Variants in TAFA2 observed in about 807,000 individuals in gnomAD.
TAFA2 encodes the protein TAFA chemokine like family member 2.
A neutral mutation model predicts 18.8 loss-of-function variants in TAFA2; 7 were observed. The observed-to-expected ratio is 0.37, with a 90% CI of 0.21 to 0.70. TAFA2 has a LOEUF of 0.70. Ranked by LOEUF, TAFA2 falls within the 30% of genes least tolerant of loss-of-function variation. The pLI, the probability that TAFA2 is intolerant of heterozygous loss-of-function variation, is 0.53. For missense variants in TAFA2, 122 were observed against 158.1 expected, an observed-to-expected ratio of 0.77 and a Z score of 1.23; for synonymous variants, 60 against 54.2, an observed-to-expected ratio of 1.11 and a Z score of -0.47.
At chr12:61,815,676 A>AG (rs1024299138) in intron 2 of TAFA2, among the ~76,000 whole-genome samples, 10 of 151,004 alleles carry the variant, frequency 6.6e-5, no homozygotes, top group Non-Finnish European at 1.3e-4. Context: ...AAAAAAAAAA[A>AG]GTAGGCAATT....
chr12:61,789,513 G>A (rs544107563), intron 2 of TAFA2, among the ~76,000 whole-genome samples: 1 of 151,872 alleles, frequency 6.6e-6, no homozygotes, highest in East Asian at 2.0e-4. Flanking sequence ...GACACAGGGA[G>A]GGGAACATCA....
At chr12:62,012,498 A>G (rs1239714172) in intron 1 of TAFA2, among the ~76,000 whole-genome samples, 1 of 152,014 alleles carries the variant, frequency 6.6e-6, no homozygotes, top group Non-Finnish European at 1.5e-5. Context: ...TCAAGATGAG[A>G]CATTTCCTAT....
intron 1 of TAFA2, among the ~76,000 whole-genome samples, chr12:62,101,838 G>A (rs1282914736): frequency 6.6e-6 from 1 of 152,146 alleles, no homozygotes. Flanking sequence ...GAAATGAAAA[G>A]GAATAGTCCC....
chr12:62,184,464 A>G (rs1168802016), intron 1 of TAFA2, among the ~76,000 whole-genome samples: 1 of 145,196 alleles, frequency 6.9e-6, no homozygotes, highest in African/African-American at 2.6e-5. Flanking sequence ...CCATGCCATG[A>G]TACTTAGTGG....
At chr12:62,195,041 T>C (rs2136964584), upstream of TAFA2, among the ~76,000 whole-genome samples, 1 of 152,348 alleles carries the variant, frequency 6.6e-6, no homozygotes, top group Non-Finnish European at 1.5e-5. Context: ...TGTTGATGGC[T>C]GCTGATGGAT....
At chr12:62,065,672 A>G (rs1882466092) in intron 1 of TAFA2, among the ~76,000 whole-genome samples, 1 of 151,828 alleles carries the variant, frequency 6.6e-6, no homozygotes, top group Non-Finnish European at 1.5e-5. Context: ...TTCACTAGCC[A>G]AGAAGAACTG....
chr12:62,160,023 T>C (rs2062396306), intron 1 of TAFA2, among the ~76,000 whole-genome samples: 1 of 152,116 alleles, frequency 6.6e-6, no homozygotes, highest in Non-Finnish European at 1.5e-5. Context: ...CATACTCAAG[T>C]CATTCAGCTC....
chr12:61,761,815 T>C (rs1209008546), intron 2 of TAFA2, among the ~76,000 whole-genome samples: 2 of 152,104 alleles, frequency 1.3e-5, no homozygotes, highest in Non-Finnish European at 2.9e-5. Flanking sequence ...GGTTTATATC[T>C]GTGTCCCCAC....
chr12:62,171,507 A>T (rs1270619159), intron 1 of TAFA2, among the ~76,000 whole-genome samples: 1 of 152,172 alleles, frequency 6.6e-6, no homozygotes, highest in Non-Finnish European at 1.5e-5. Flanking sequence ...CCTCAAAATC[A>T]TGTTAGGAGA....
At chr12:61,931,324 A>G (rs781672280) in intron 1 of TAFA2, among the ~76,000 whole-genome samples, 1 of 152,246 alleles carries the variant, frequency 6.6e-6, no homozygotes, top group Non-Finnish European at 1.5e-5. Flanking sequence ...ACCTTGGTTC[A>G]TATGACACAT....
intron 1 of TAFA2, among the ~76,000 whole-genome samples, chr12:62,029,600 C>T (rs1353419580): frequency 1.1e-5 from 1 of 89,956 alleles, no homozygotes; most frequent in South Asian, 3.7e-4. Flanking sequence ...ACATTATAAA[C>T]AATTACTTTT....
chr12:62,171,148 A>C (rs1457434770), intron 1 of TAFA2, among the ~76,000 whole-genome samples: 2 of 151,548 alleles, frequency 1.3e-5, no homozygotes, highest in African/African-American at 4.8e-5. Flanking sequence ...TATAATCCCC[A>C]TTATTATTAT....
At chr12:61,715,612 A>G (rs1869620132) in intron 4 of TAFA2, among the ~76,000 whole-genome samples, 1 of 151,894 alleles carries the variant, frequency 6.6e-6, no homozygotes, top group African/African-American at 2.4e-5. Flanking sequence ...TCGGCTTCCC[A>G]AAGTGCTAGG....
At chr12:62,234,787 G>A (rs559478268) in intron 1 of TAFA2, 3 of 1,045,610 alleles carry the variant, frequency 2.9e-6, no homozygotes, top group East Asian at 4.8e-5. Context: ...GGTCTGGGAT[G>A]CTCCGGTAGG....
intron 1 of TAFA2, among the ~76,000 whole-genome samples, chr12:62,059,137 A>ATGTGTGTGTGTGTGTGTGTGTGTGTG (rs779755647): frequency 2.3e-5 from 1 of 43,540 alleles, no homozygotes; most frequent in Non-Finnish European, 4.4e-5. Flanking sequence ...ATATGTGTGT[A>ATGTGTGTGTGTGTGTGTGTGTGTGTG]TATGTGTGTG....
intron 1 of TAFA2, among the ~76,000 whole-genome samples, chr12:61,934,353 A>C (rs1316094797): frequency 3.3e-5 from 5 of 152,182 alleles, no homozygotes; most frequent in African/African-American, 1.2e-4. Flanking sequence ...GGATCACAAA[A>C]TTCCAGAAGA....
At chr12:62,237,988 G>T (rs907673583) in intron 1 of TAFA2, among the ~76,000 whole-genome samples, 1 of 152,186 alleles carries the variant, frequency 6.6e-6, no homozygotes, top group Admixed American at 6.5e-5. Context: ...ATGAGCTGGG[G>T]TCTCCAGTCC....
intron 2 of TAFA2, among the ~76,000 whole-genome samples, chr12:61,760,292 T>C (rs1160695738): frequency 1.4e-5 from 2 of 147,220 alleles, no homozygotes; most frequent in African/African-American, 5.1e-5. Context: ...AAATAGATGA[T>C]AGATAGATGA....
At chr12:61,972,305 T>TAAA (rs35399389) in intron 1 of TAFA2, among the ~76,000 whole-genome samples, 1 of 143,760 alleles carries the variant, frequency 7.0e-6, no homozygotes. Flanking sequence ...AGTTGAACCT[T>TAAA]AAAAAAAAAA....
Sources: gnomAD v4.1 joint callset for allele counts (sites outside exome capture counted in the v4.1 genomes callset) on GRCh38, gnomAD v4.1.1 for gene constraint, MANE v1.5 for transcripts, NCBI Gene and HGNC (gene_info 2026-07-23, HGNC 2026-07-21) for gene names.